The following PCDHGA1 variants were observed in gnomAD, a reference collection of about 807,000 sequenced individuals.
PCDHGA1 encodes the protein protocadherin gamma subfamily A, 1.
PCDHGA1 carries 32 observed loss-of-function variants against 58.0 expected under a neutral mutation model. The ratio of observed to expected loss-of-function variants is 0.55; its 90% CI spans 0.42 to 0.74. The LOEUF is 0.74. Ranked by LOEUF, PCDHGA1 falls within the 30% of genes least tolerant of loss-of-function variation. PCDHGA1 has a pLI of 0.00. For missense variants in PCDHGA1, 1,205 were observed against 1,182.3 expected, an observed-to-expected ratio of 1.02 and a Z score of -0.28; for synonymous variants, 498 against 501.1, an observed-to-expected ratio of 0.99 and a Z score of 0.08.
chr5:141,393,498 C>T lies in PCDHGA1; in HGVS notation c.2421+60393C>T, dbSNP rs780199451. The T allele has an allele frequency of 3.1e-6, 5 of 1,613,952 alleles. No homozygotes were observed. The highest frequency in any genetic ancestry group is 1.6e-4 in the Middle Eastern group (1 of 6,084). ...GCCTCGCTCTAGCACAGTGCGCATC[C>T]ACGTGACAGTGTTGGATACAAATGA... On this transcript the variant is annotated intron_variant, in intron 1 of 3. Transcript: ENST00000517417.
intron 1 of PCDHGA1, chr5:141,395,033 T>G: frequency 6.2e-7 from 1 of 1,614,140 alleles, no homozygotes; most frequent in Non-Finnish European, 8.5e-7. Context: ...CCTCACATTT[T>G]GTGGGTGTTG....
chr5:141,354,739 T>G (rs1409989426), intron 1 of PCDHGA1, among the ~76,000 whole-genome samples: 1 of 152,248 alleles, frequency 6.6e-6, no homozygotes, highest in East Asian at 1.9e-4. Flanking sequence ...ATGTGAAAAC[T>G]GAAAAGAGGA....
At chr5:141,422,280 C>G (rs748287385) in intron 1 of PCDHGA1, 9 of 1,557,754 alleles carry the variant, frequency 5.8e-6, no homozygotes, top group Non-Finnish European at 7.8e-6. Flanking sequence ...TAACTATCAC[C>G]TCTTCTATTA....
chr5:141,332,517 C>T lies in PCDHGA1; in HGVS notation c.1833C>T (p.Ala611=), dbSNP rs1390511672. 6.2e-7 allele frequency: 1 copy of T among 1,612,700 alleles called. No individual in the cohort carries two copies. The change falls in exon 1 of 4, where the codon GCC becomes GCT. Residue 611 remains alanine, a synonymous_variant. Coordinates refer to ENST00000517417, the MANE Select transcript of PCDHGA1 (RefSeq NM_018912.3). This position sits in a 1 kb window ranked among gnomAD's most constrained non-coding sequence, Gnocchi z 4.6. ...GGCTGTCCTACCGCCTGCTCAAGGC[C>T]AGCGAGCCGGGACTCTTCTCGGTGG... ...NAWLSYRLLK[A]SEPGLFSVGL...
intron 1 of PCDHGA1, chr5:141,428,440 G>A (rs890993546): frequency 1.0e-5 from 4 of 393,892 alleles, no homozygotes; most frequent in African/African-American, 8.2e-5. Flanking sequence ...GACTAGACCA[G>A]GGGTTTTTCC....
intron 1 of PCDHGA1, chr5:141,341,675 A>G: frequency 1.7e-6 from 1 of 601,246 alleles, no homozygotes; most frequent in South Asian, 2.5e-5. Flanking sequence ...GGTTTCTTAT[A>G]CTTTCTTCTC....
chr5:141,393,194 C>T (rs770162660), intron 1 of PCDHGA1: 4 of 1,613,360 alleles, frequency 2.5e-6, no homozygotes, highest in Non-Finnish European at 2.5e-6. Flanking sequence ...TTGATATTAA[C>T]GATAATAACC....
intron 2 of PCDHGA1, among the ~76,000 whole-genome samples, chr5:141,502,135 G>A (rs1254187943): frequency 6.6e-6 from 1 of 152,154 alleles, no homozygotes; most frequent in East Asian, 1.9e-4. Context: ...GAGCTCAGTC[G>A]GGCCGGAAGT....
chr5:141,503,268 C>A (rs1038268807), intron 2 of PCDHGA1, among the ~76,000 whole-genome samples: 6 of 152,068 alleles, frequency 3.9e-5, no homozygotes, highest in African/African-American at 7.2e-5. Context: ...AACCCCAGCA[C>A]CTGGCTCTGT....
At chr5:141,370,928 C>T in intron 1 of PCDHGA1, 1 of 1,613,992 alleles carries the variant, frequency 6.2e-7, no homozygotes, top group Non-Finnish European at 8.5e-7. Context: ...ATCCGCACTT[C>T]TCTTTGATTC....
intron 1 of PCDHGA1, chr5:141,341,470 T>G (rs1250645225): frequency 1.9e-6 from 3 of 1,592,618 alleles, no homozygotes; most frequent in Non-Finnish European, 2.6e-6. Context: ...CTATATCTAT[T>G]TTGTTCCCCA....
At chr5:141,370,390 G>C in intron 1 of PCDHGA1, 1 of 1,543,894 alleles carries the variant, frequency 6.5e-7, no homozygotes. Flanking sequence ...GGCGCAGAGA[G>C]CGGGATGGGA....
chr5:141,441,343 C>T (rs2098240806), intron 1 of PCDHGA1: 1 of 152,368 alleles, frequency 6.6e-6, no homozygotes, highest in African/African-American at 2.4e-5. Flanking sequence ...TAATTAACTA[C>T]ATGCTTGTAA....
intron 1 of PCDHGA1, chr5:141,398,973 C>T: frequency 6.2e-7 from 1 of 1,613,952 alleles, no homozygotes; most frequent in Non-Finnish European, 8.5e-7. Context: ...ATTCCTTCTA[C>T]AGAACCGGGC....
At chr5:141,499,620 G>A (rs557854340) in intron 2 of PCDHGA1, among the ~76,000 whole-genome samples, 1 of 150,986 alleles carries the variant, frequency 6.6e-6, no homozygotes, top group Non-Finnish European at 1.5e-5. Context: ...TCCTGTCCTT[G>A]GATTCTTTTG....
rs200524415 is a variant in PCDHGA1, at chr5:141,487,436, G to C, written c.2422-7371G>C. 1 of 1,614,176 alleles carries C rather than the reference G, an allele frequency of 6.2e-7. No individual in the cohort carries two copies. Among genetic ancestry groups the C allele is most frequent in the East Asian group, 2.2e-5 (1 of 44,870 alleles). ...CAATGGGATCCTCCGAATCCAGCTAGGGTCAGATGACCCTATCAAGTTTGT... is the reference window on the plus strand; with the variant it reads ...CAATGGGATCCTCCGAATCCAGCTACGGTCAGATGACCCTATCAAGTTTGT... On this transcript the variant is annotated intron_variant, in intron 1 of 3. Coordinates refer to ENST00000517417, the MANE Select transcript of PCDHGA1 (RefSeq NM_018912.3). This position sits in a 1 kb window ranked among gnomAD's most constrained non-coding sequence, Gnocchi z 5.0.
chr5:141,475,679 T>A (rs967189869), intron 1 of PCDHGA1, among the ~76,000 whole-genome samples: 2 of 152,236 alleles, frequency 1.3e-5, no homozygotes, highest in African/African-American at 4.8e-5. Flanking sequence ...GAGTCTTGAT[T>A]TGGATTGGAG....
At chr5:141,499,115 C>T (rs940275925) in intron 2 of PCDHGA1, among the ~76,000 whole-genome samples, 16 of 152,124 alleles carry the variant, frequency 1.1e-4, no homozygotes, top group African/African-American at 3.9e-4. Context: ...CACCACTATC[C>T]CTTCTCAGGT....
intron 1 of PCDHGA1, among the ~76,000 whole-genome samples, chr5:141,467,305 G>A (rs535466592): frequency 1.3e-5 from 2 of 152,078 alleles, no homozygotes; most frequent in African/African-American, 4.8e-5. Flanking sequence ...CACTCACCTC[G>A]GCCTCCCACA....
Sources: allele counts gnomAD v4.1 joint callset (sites outside exome capture counted in the v4.1 genomes callset), GRCh38; gene constraint gnomAD v4.1.1; non-coding constraint Gnocchi (gnomAD v3.1); transcripts MANE v1.5; gene names NCBI Gene and HGNC (gene_info 2026-07-23, HGNC 2026-07-21).